The following CCDC171 variants were observed in gnomAD, a reference collection of about 807,000 sequenced individuals.
The protein encoded by CCDC171 is coiled-coil domain containing 171, also known as coiled-coil domain-containing protein 171.
In CCDC171, 177 loss-of-function variants were observed where a neutral mutation model predicts 168.2. That is an observed-to-expected ratio of 1.05 (90% CI 0.93 to 1.19). The LOEUF (loss-of-function observed/expected upper bound fraction) is 1.19. Among genes scored for constraint, CCDC171 ranks in the 50% most tolerant of loss-of-function variants. CCDC171 has a pLI of 0.00. For synonymous variants in CCDC171, 687 were observed against 540.8 expected (o/e 1.27, Z -3.75); for missense variants, 1,991 against 1,539.0 (o/e 1.29, Z -4.91).
intron 6 of CCDC171, among the ~76,000 whole-genome samples, chr9:15,597,408 G>C (rs2042455606): frequency 6.6e-6 from 1 of 152,042 alleles, no homozygotes; most frequent in African/African-American, 2.4e-5. Flanking sequence ...GATAATATGT[G>C]GTTTTTGTCT....
chr9:15,647,476 T>TA, intron 7 of CCDC171, among the ~76,000 whole-genome samples: 1 of 150,354 alleles, frequency 6.7e-6, no homozygotes, highest in Non-Finnish European at 1.5e-5. Flanking sequence ...TTTTAAAAGA[T>TA]CAACAAAATT....
At chr9:15,809,679 G>A (rs554857539) in intron 21 of CCDC171, among the ~76,000 whole-genome samples, 2 of 152,174 alleles carry the variant, frequency 1.3e-5, no homozygotes, top group South Asian at 2.1e-4. Flanking sequence ...ACTGGCCTCA[G>A]GAGTGAAGCT....
At chr9:15,943,172 T>C (rs568169529) in intron 25 of CCDC171, among the ~76,000 whole-genome samples, 2 of 152,192 alleles carry the variant, frequency 1.3e-5, no homozygotes, top group South Asian at 2.1e-4. Context: ...TTGTCTTTAT[T>C]GTCACTGATA....
intron 2 of CCDC171, among the ~76,000 whole-genome samples, chr9:15,569,946 G>A (rs115532928): frequency 6.6e-6 from 1 of 151,372 alleles, no homozygotes; most frequent in African/African-American, 2.4e-5. Flanking sequence ...CGTTTTCTTA[G>A]TTTGTGTTTT....
chr9:15,635,525 T>G (rs1431668973), intron 7 of CCDC171, among the ~76,000 whole-genome samples: 1 of 152,180 alleles, frequency 6.6e-6, no homozygotes, highest in Non-Finnish European at 1.5e-5. Flanking sequence ...TTCTTCTGCC[T>G]GCTTTATTCT....
At chr9:15,632,487 G>C (rs1279825539) in intron 7 of CCDC171, among the ~76,000 whole-genome samples, 2 of 152,068 alleles carry the variant, frequency 1.3e-5, no homozygotes, top group East Asian at 3.9e-4. Flanking sequence ...CCTCTTCAAG[G>C]AGAGCTACAA....
chr9:15,948,972 T>C (rs1828772663), intron 25 of CCDC171, among the ~76,000 whole-genome samples: 1 of 152,228 alleles, frequency 6.6e-6, no homozygotes, highest in African/African-American at 2.4e-5. Flanking sequence ...CATTTAAGTC[T>C]TTAATCCATC....
At chr9:15,939,050 T>G (rs1327193452) in intron 25 of CCDC171, among the ~76,000 whole-genome samples, 1 of 151,542 alleles carries the variant, frequency 6.6e-6, no homozygotes, top group African/African-American at 2.4e-5. Flanking sequence ...ATTATAATTA[T>G]GTACACCCTA....
chr9:15,838,988 G>C (rs1395216179), intron 21 of CCDC171, among the ~76,000 whole-genome samples: 1 of 152,044 alleles, frequency 6.6e-6, no homozygotes, highest in East Asian at 1.9e-4. Flanking sequence ...ATAAAGGAAA[G>C]GTAAATAAGT....
At chr9:15,778,469 C>G (rs571117575) in intron 19 of CCDC171, among the ~76,000 whole-genome samples, 1 of 151,132 alleles carries the variant, frequency 6.6e-6, no homozygotes, top group African/African-American at 2.4e-5. Flanking sequence ...TGAAACCCCG[C>G]CTCTACCAAA....
At chr9:15,831,163 G>A (rs560872743) in intron 21 of CCDC171, among the ~76,000 whole-genome samples, 47 of 151,560 alleles carry the variant, frequency 3.1e-4, no homozygotes, top group Non-Finnish European at 2.2e-4. Flanking sequence ...TAGTAGAGAC[G>A]GAGTTTCACC....
chr9:15,834,202 TTTAA>T (rs1342085778), intron 21 of CCDC171, among the ~76,000 whole-genome samples: 2 of 152,180 alleles, frequency 1.3e-5, no homozygotes, highest in East Asian at 1.9e-4. Flanking sequence ...AAATATTTAA[TTTAA>T]TTGTCATCAA....
chr9:15,759,601 G>T (rs1027805945), intron 18 of CCDC171, among the ~76,000 whole-genome samples: 4 of 151,988 alleles, frequency 2.6e-5, no homozygotes, highest in Non-Finnish European at 5.9e-5. Context: ...CCATGATCTT[G>T]GCCTTCTTGA....
chr9:16,100,013 AAAAG>A, the CCDC171 span, among the ~76,000 whole-genome samples: 1 of 151,970 alleles, frequency 6.6e-6, no homozygotes, highest in African/African-American at 2.4e-5. Context: ...TAAAAAAAAA[AAAAG>A]AAAAATCTAA....
chr9:15,863,194 T>G (rs1388535559), intron 23 of CCDC171, among the ~76,000 whole-genome samples: 1 of 152,026 alleles, frequency 6.6e-6, no homozygotes. Flanking sequence ...TCCCTTCTCA[T>G]AAAAAGTTGG....
At chr9:15,923,194 T>C (rs1465969076) in intron 25 of CCDC171, among the ~76,000 whole-genome samples, 2 of 151,446 alleles carry the variant, frequency 1.3e-5, no homozygotes, top group Non-Finnish European at 3.0e-5. Flanking sequence ...AGTTGTGATA[T>C]CTGCGCTCCT....
chr9:15,598,573 G>A (rs2131596050), intron 6 of CCDC171, among the ~76,000 whole-genome samples: 1 of 152,246 alleles, frequency 6.6e-6, no homozygotes, highest in South Asian at 2.1e-4. Context: ...TTCCAACTAT[G>A]TGGTCAATTT....
chr9:16,091,309 A>T, the CCDC171 span, among the ~76,000 whole-genome samples: 1 of 152,186 alleles, frequency 6.6e-6, no homozygotes, highest in African/African-American at 2.4e-5. Context: ...ATTCTACCCA[A>T]TGGAAAAGAA....
At chr9:16,100,155 ACT>A in the CCDC171 span, among the ~76,000 whole-genome samples, 194 of 152,116 alleles carry the variant, frequency 1.3e-3, no homozygotes, top group Non-Finnish European at 2.5e-3. Flanking sequence ...AGCACAGAAC[ACT>A]CTAATCTGTG....
Sources: gnomAD v4.1 joint callset for allele counts (sites outside exome capture counted in the v4.1 genomes callset) on GRCh38, gnomAD v4.1.1 for gene constraint, MANE v1.5 for transcripts, NCBI Gene and HGNC (gene_info 2026-07-23, HGNC 2026-07-21) for gene names.